The following EFR3A variants were observed in gnomAD, a reference collection of about 807,000 sequenced individuals.
EFR3A encodes the protein EFR3 homolog A, also known as protein EFR3 homolog A.
Under a neutral mutation model 104.4 loss-of-function variants are expected in EFR3A, and 76 were observed. That is an observed-to-expected ratio of 0.73 (90% CI 0.60 to 0.88). The LOEUF (loss-of-function observed/expected upper bound fraction) is 0.88. EFR3A is among the 40% of genes least tolerant of loss of function. EFR3A has a pLI of 0.00. For synonymous variants in EFR3A, 330 were observed against 330.0 expected (o/e 1.00, Z 0.00); for missense variants, 985 against 1,012.5 (o/e 0.97, Z 0.37).
chr8:131,981,005 T>C (rs1233693257), intron 14 of EFR3A, among the ~76,000 whole-genome samples: 1 of 140,362 alleles, frequency 7.1e-6, no homozygotes, highest in African/African-American at 2.6e-5. Flanking sequence ...AGTGTAAGGC[T>C]GAATAGTATT....
rs1821750748 is a variant in EFR3A, at chr8:132,000,817, T to C, written c.2158-942T>C. 3.3e-5 allele frequency: 5 copies of C among 152,348 alleles called. No individual in the cohort carries two copies. In the South Asian group the frequency reaches 1.0e-3, roughly 32 times the overall value. 9.4% of individuals were successfully genotyped at this position (152,348 alleles called of 1,614,324 possible). A position where few individuals can be genotyped will look rare whatever the true frequency, so the allele number is the denominator to read the frequency against. On this transcript the variant is annotated intron_variant, in intron 19 of 22. Coordinates refer to ENST00000254624, the MANE Select transcript of EFR3A (RefSeq NM_015137.6). ...AGTTTAATCTGACTTCAACTAGAAC[T>C]ATGAAGCTCAGTAGCAAAACTGAGG...
rs1342871957 is a variant in EFR3A, at chr8:131,976,154, A to G, written c.1274+13A>G. 7 of 1,452,256 alleles carry G rather than the reference A, an allele frequency of 4.8e-6. No individual in the cohort carries two copies. In the East Asian group the frequency reaches 1.2e-4, roughly 24 times the overall value. The allele number at this position is 1,452,256 out of a possible 1,614,324, so 90.0% of individuals were successfully genotyped here. On this transcript the variant is annotated intron_variant, in intron 11 of 22. Coordinates refer to ENST00000254624, the MANE Select transcript of EFR3A (RefSeq NM_015137.6). ...TCAGTCAACTAGGGTATGTTCTCAGACTGTAAATTTGAACTTAATCTTGAG... is the reference window on the plus strand; with the variant it reads ...TCAGTCAACTAGGGTATGTTCTCAGGCTGTAAATTTGAACTTAATCTTGAG...
At chr8:131,995,307 C>A (rs1225271339) in intron 18 of EFR3A, among the ~76,000 whole-genome samples, 1 of 151,976 alleles carries the variant, frequency 6.6e-6, no homozygotes, top group Admixed American at 6.6e-5. Context: ...TTCCTTTTTT[C>A]GACTGTAATC....
At chr8:131,979,472 G>C in intron 14 of EFR3A, 51 bp downstream of exon 14, 1 of 1,280,024 alleles carries the variant, frequency 7.8e-7, no homozygotes, top group Non-Finnish European at 1.1e-6. Context: ...ACAGCCGTTT[G>C]AATTGTTAGG....
intron 14 of EFR3A, among the ~76,000 whole-genome samples, chr8:131,982,188 T>C (rs1034808835): frequency 1.3e-5 from 2 of 152,112 alleles, no homozygotes; most frequent in African/African-American, 4.8e-5. Flanking sequence ...TTTTACAGTT[T>C]GATAACCTAA....
chr8:131,929,548 T>C (rs1179353124), intron 1 of EFR3A, among the ~76,000 whole-genome samples: 5 of 152,130 alleles, frequency 3.3e-5, no homozygotes, highest in African/African-American at 1.2e-4. Context: ...TGATAGTTGT[T>C]ATCACAGAGA....
Position 131,984,954 on chromosome 8 carries a change from A to G in EFR3A, c.1763A>G (p.Asn588Ser). ...GACAGTGCAATTATCAATGAGGATA[A>G]TTTGCCAATGTTCCATCGTTGTGGA... ...LQDSAIINED[N>S]LPMFHRCGIM... The change falls in exon 16 of 23, where the codon AAT becomes AGT. Residue 588 changes from asparagine (N) to serine (S), a missense_variant. Physicochemically the swap from Asn to Ser is conservative, Grantham distance 46. Transcript: ENST00000254624. 6.2e-7 allele frequency: 1 copy of G among 1,613,520 alleles called. No individual in the cohort carries two copies. Among genetic ancestry groups the G allele is most frequent in the Non-Finnish European group, 8.5e-7 (1 of 1,179,622 alleles).
intron 1 of EFR3A, among the ~76,000 whole-genome samples, chr8:131,937,032 T>C (rs184638763): frequency 2.0e-5 from 3 of 152,248 alleles, no homozygotes; most frequent in African/African-American, 7.2e-5. Flanking sequence ...CCTTGGTCTT[T>C]ACTGTGACTA....
At chr8:131,916,402 T>G (rs1816747651) in intron 1 of EFR3A, among the ~76,000 whole-genome samples, 1 of 152,160 alleles carries the variant, frequency 6.6e-6, no homozygotes, top group Non-Finnish European at 1.5e-5. Context: ...GTTTCTGGCT[T>G]TATCATATGG....
In EFR3A at chr8:131,978,705, T is replaced by C. The variant is rs80110122; in HGVS notation, c.1327-142T>C. 375 of 644,446 alleles carry C rather than the reference T, an allele frequency of 5.8e-4. 1 individual carries two copies. In the East Asian group the frequency reaches 9.1e-3, roughly 16 times the overall value. 39.9% of individuals were successfully genotyped at this position (644,446 alleles called of 1,614,324 possible). A position where few individuals can be genotyped will look rare whatever the true frequency, so the allele number is the denominator to read the frequency against. ...AAATTCAGCAAAATCCTTCATTACTTTGCACATTTCTTTTATGTCTTTTCT... is the reference window on the plus strand; with the variant it reads ...AAATTCAGCAAAATCCTTCATTACTCTGCACATTTCTTTTATGTCTTTTCT... On this transcript the variant is annotated intron_variant, in intron 12 of 22. Coordinates refer to ENST00000254624, the MANE Select transcript of EFR3A (RefSeq NM_015137.6).
intron 1 of EFR3A, among the ~76,000 whole-genome samples, chr8:131,919,962 A>C (rs939171270): frequency 6.6e-6 from 1 of 152,014 alleles, no homozygotes; most frequent in Non-Finnish European, 1.5e-5. Context: ...TATGTGCAGG[A>C]AAGAGTAAAA....
chr8:131,930,270 T>C (rs1442674486), intron 1 of EFR3A, among the ~76,000 whole-genome samples: 1 of 152,068 alleles, frequency 6.6e-6, no homozygotes, highest in Non-Finnish European at 1.5e-5. Flanking sequence ...CCTACTAGGT[T>C]CCTTTTTTCC....
At position 132,012,320 on chromosome 8, in the gene EFR3A, G is replaced by A. The variant is rs11543175; in HGVS notation, c.*1425G>A. 2.6e-5 allele frequency: 4 copies of A among 152,136 alleles called. No individual in the cohort carries two copies. The highest frequency in any genetic ancestry group is 2.1e-4 in the South Asian group (1 of 4,834). The allele number at this position is 152,136 out of a possible 1,614,324, so 9.4% of individuals were successfully genotyped here. A position where few individuals can be genotyped will look rare whatever the true frequency, so the allele number is the denominator to read the frequency against. Reference sequence around the variant, plus strand: ...TAGAAACAGACAAAAGTAAGGAAACGATAATAGGACAAGCATACTTGAAAA... The same window carrying A: ...TAGAAACAGACAAAAGTAAGGAAACAATAATAGGACAAGCATACTTGAAAA... On this transcript the variant is annotated 3_prime_UTR_variant, in exon 23 of 23. Transcript: ENST00000254624.
rs917163877 is a variant in EFR3A, at chr8:131,923,502, G to GTT, written c.11-16980_11-16979dup. ...AAGGCATCTGGGAAAATGTCAGGGT[G>GTT]TTTTTTTTTTTTTTTTTTGACAAAT... is the stretch of plus-strand genomic sequence containing the variant. On this transcript the variant is annotated intron_variant, in intron 1 of 22. Transcript: ENST00000254624. Among the ~76,000 whole-genome samples the GTT allele has an allele frequency of 8.3e-3, 928 of 111,488 alleles. 3 individuals carry two copies. The highest frequency in any genetic ancestry group is 0.016 in the Middle Eastern group (3 of 190). The allele number at this position is 111,488 out of a possible 152,430, so 73.1% of individuals were successfully genotyped here. A position where few individuals can be genotyped will look rare whatever the true frequency, so the allele number is the denominator to read the frequency against.
intron 3 of EFR3A, 28 bp downstream of exon 3, chr8:131,944,900 G>C: frequency 6.3e-7 from 1 of 1,594,374 alleles, no homozygotes; most frequent in South Asian, 1.2e-5. Context: ...TGCTAAAATA[G>C]TATCTTTGGA....
intron 1 of EFR3A, among the ~76,000 whole-genome samples, chr8:131,919,851 A>G (rs1029814406): frequency 1.3e-4 from 19 of 150,920 alleles, no homozygotes; most frequent in African/African-American, 4.4e-4. Flanking sequence ...AGGAAGATAC[A>G]TTTATTTCTG....
intron 2 of EFR3A, among the ~76,000 whole-genome samples, chr8:131,941,493 G>C (rs561081900): frequency 6.6e-6 from 1 of 152,144 alleles, no homozygotes; most frequent in East Asian, 1.9e-4. Context: ...ATGTAGAGGA[G>C]GTTAATCAAT....
intron 1 of EFR3A, among the ~76,000 whole-genome samples, chr8:131,917,620 T>C (rs1300994225): frequency 1.3e-5 from 2 of 152,224 alleles, no homozygotes; most frequent in Non-Finnish European, 2.9e-5. Flanking sequence ...CTTTTAAGTA[T>C]TTGCATAGAG....
chr8:131,976,996 A>G lies in EFR3A; in HGVS notation c.1275-45A>G, dbSNP rs369715297. The G allele has an allele frequency of 3.5e-4, 466 of 1,324,958 alleles. 3 individuals carry two copies. The African/African-American group carries it at 6.3e-3, about 18-fold the overall frequency. 82.1% of individuals were successfully genotyped at this position (1,324,958 alleles called of 1,614,324 possible). On this transcript the variant is annotated intron_variant, in intron 11 of 22. Coordinates refer to ENST00000254624, the MANE Select transcript of EFR3A (RefSeq NM_015137.6). Reference sequence around the variant, plus strand: ...CAGTAATTGAAGTAAATGAAGTAATATAAATGCTAATTAGTATAATAATTC... The same window carrying G: ...CAGTAATTGAAGTAAATGAAGTAATGTAAATGCTAATTAGTATAATAATTC...
Sources: allele counts gnomAD v4.1 joint callset (sites outside exome capture counted in the v4.1 genomes callset), GRCh38; gene constraint gnomAD v4.1.1; transcripts MANE v1.5; gene names NCBI Gene and HGNC (gene_info 2026-07-23, HGNC 2026-07-21).